MKI67: variants seen among roughly 807,000 people sequenced by gnomAD.
MKI67 encodes marker of proliferation Ki-67, also known as proliferation marker protein Ki-67.
In MKI67, 152 loss-of-function variants were observed where a neutral mutation model predicts 233.5. That is an observed-to-expected ratio of 0.65 (90% CI 0.57 to 0.74). The LOEUF (loss-of-function observed/expected upper bound fraction) is 0.74, where lower values mean the gene tolerates loss of function less well. Ranked by LOEUF, MKI67 falls within the 30% of genes least tolerant of loss-of-function variation. MKI67 has a pLI of 0.00. For synonymous variants in MKI67, 1,465 were observed against 1,418.5 expected (o/e 1.03, Z -0.74); for missense variants, 3,940 against 3,885.2 (o/e 1.01, Z -0.37).
intron 14 of MKI67, 92 bp downstream of exon 14, chr10:128,101,166 A>C (rs767850318): frequency 6.2e-5 from 75 of 1,204,086 alleles, no homozygotes; most frequent in Non-Finnish European, 8.7e-5. Context: ...GCTGTTGAAG[A>C]TAATGCTTTT....
In MKI67 at chr10:128,104,473, T is replaced by C. The variant is rs1340300398; in HGVS notation, c.7367A>G (p.Asp2456Gly). The C allele has an allele frequency of 6.2e-7, 1 of 1,613,306 alleles. No individual in the cohort carries two copies. Among genetic ancestry groups the C allele is most frequent in the Non-Finnish European group, 8.5e-7 (1 of 1,179,800 alleles). Residue 2456 changes from aspartate (D) to glycine (G), a missense_variant, in exon 13 of 15, where the codon GAT (aspartate) becomes GGT (glycine). Transcript: ENST00000368654. ...ACAGGATACTTCTGTGATTTTGTCA[T>C]CAGTCATTGATTCCTCAGTGTGACC... The part of the protein sequence containing the change: ...TPGHTEESMT[D>G]DKITEVSCKS...
rs776806043 is a variant in MKI67, at chr10:128,115,288, A to G, written c.1120T>C (p.Ser374Pro). 1.9e-6 allele frequency: 3 copies of G among 1,613,864 alleles called. No individual in the cohort carries two copies. Among genetic ancestry groups the G allele is most frequent in the Non-Finnish European group, 2.5e-6 (3 of 1,180,002 alleles). The stretch of plus-strand genomic sequence containing the variant: ...CCTTCACTTTTACCCAGATTCACAG[A>G]TTCTCTTCTACCAGTAGTATACAGG... ...KDLYTTGRRE[S>P]VNLGKSEGFK... The change falls in exon 7 of 15, where the codon TCT (serine) becomes CCT (proline). Residue 374 changes from serine (S) to proline (P), a missense_variant. Ser to Pro is a moderately conservative substitution (Grantham distance 74). Transcript: ENST00000368654.
At chr10:128,112,873 GC>G (rs1852712094) in intron 8 of MKI67, among the ~76,000 whole-genome samples, 1 of 152,118 alleles carries the variant, frequency 6.6e-6, no homozygotes, top group Admixed American at 6.5e-5. Flanking sequence ...GACCGCCCAG[GC>G]CCTATTACAA....
chr10:128,122,845 T>C lies in MKI67; in HGVS notation c.287+36A>G, dbSNP rs770266922. ...CACTAGTTTATGGTTAATCAGAAGA[T>C]GACATTTACTGTTAGACCAATCAGC... On this transcript the variant is annotated intron_variant, in intron 4 of 14. Coordinates refer to ENST00000368654, the MANE Select transcript of MKI67 (RefSeq NM_002417.5). 6 of 1,026,154 alleles carry C rather than the reference T, an allele frequency of 5.8e-6. No homozygotes were observed. The African/African-American group carries it at 6.5e-5, about 11-fold the overall frequency. 63.6% of individuals were successfully genotyped at this position (1,026,154 alleles called of 1,614,324 possible).
chr10:128,112,939 A>T (rs2136142983), intron 8 of MKI67, among the ~76,000 whole-genome samples: 1 of 152,380 alleles, frequency 6.6e-6, no homozygotes, highest in East Asian at 1.9e-4. Context: ...CAGGAAGGAC[A>T]ACACAGCAAA....
At chr10:128,099,344 C>T (rs1429467021) in intron 14 of MKI67, 89 bp from the exon 15 acceptor site, 3 of 969,224 alleles carry the variant, frequency 3.1e-6, no homozygotes, top group Non-Finnish European at 4.7e-6. Flanking sequence ...CAAAGGCTTA[C>T]TAGGTATTAT....
rs749787757 is a variant in MKI67, at chr10:128,111,721, A to G, written c.2184T>C (p.His728=). Residue 728 remains histidine, a synonymous_variant, in exon 11 of 15, where the codon CAT becomes CAC. Coordinates refer to ENST00000368654, the MANE Select transcript of MKI67 (RefSeq NM_002417.5). ...IIGKAHTEKV[H]VPARPYRVLN... Reference sequence around the variant, plus strand: ...GCACTCTGTAGGGTCGAGCAGGCACATGTACTTTTTCAGTATGAGCTTTCC... The same window carrying G: ...GCACTCTGTAGGGTCGAGCAGGCACGTGTACTTTTTCAGTATGAGCTTTCC... The G allele has an allele frequency of 1.6e-5, 26 of 1,614,092 alleles. No homozygotes were observed. The Admixed American group carries it at 2.7e-4, about 17-fold the overall frequency.
At position 128,107,311 on chromosome 10, in the gene MKI67, T is replaced by C. The variant is rs561196636; in HGVS notation, c.4529A>G (p.Gln1510Arg). The change falls in exon 13 of 15, where the codon CAG (glutamine) becomes CGG (arginine). Residue 1510 changes from glutamine to arginine, a missense_variant. Transcript: ENST00000368654. ...PVDTPTSSKP[Q>R]SKRSLRKVDV... The stretch of plus-strand genomic sequence containing the variant: ...CACTTTCCTGAGACTTCTCTTGGAC[T>C]GTGGCTTGGAGCTTGTTGGTGTGTC... The C allele has an allele frequency of 6.8e-6, 11 of 1,614,134 alleles. No homozygotes were observed. In the Admixed American group the frequency reaches 1.2e-4, roughly 17 times the overall value.
intron 12 of MKI67, 147 bp from the exon 13 acceptor site, chr10:128,109,570 G>T: frequency 6.9e-6 from 6 of 871,256 alleles, no homozygotes; most frequent in Non-Finnish European, 1.0e-5. Context: ...CTATAAATCT[G>T]TCTTATAAGA....
intron 8 of MKI67, among the ~76,000 whole-genome samples, chr10:128,112,914 C>T (rs1202847279): frequency 1.3e-5 from 2 of 152,140 alleles, no homozygotes; most frequent in Admixed American, 1.3e-4. Flanking sequence ...CATGACTTCC[C>T]AGAGGTGTGA....
intron 11 of MKI67, 102 bp downstream of exon 11, chr10:128,111,543 A>T: frequency 3.2e-6 from 3 of 934,654 alleles, no homozygotes; most frequent in Non-Finnish European, 4.7e-6. Flanking sequence ...TTTATTTTAT[A>T]ATCTCTTTCA....
chr10:128,103,189 G>T lies in MKI67; in HGVS notation c.8651C>A (p.Ala2884Glu). 1 of 1,613,048 alleles carries T rather than the reference G, an allele frequency of 6.2e-7. No individual in the cohort carries two copies. The highest frequency in any genetic ancestry group is 8.5e-7 in the Non-Finnish European group (1 of 1,179,846). ...CTTCCGCTTTGCAGGTTGCTTAAAT[G>T]CTTTCGTGCCTTTGCCCTCACCTAC... ...EPVGEGKGTK[A>E]FKQPAKRKLD... Residue 2884 changes from alanine (A) to glutamate (E), a missense_variant, in exon 13 of 15, where the codon GCA becomes GAA. By Grantham distance (107) the Ala-to-Glu change is moderately radical (BLOSUM62 -1). Coordinates refer to ENST00000368654, the MANE Select transcript of MKI67 (RefSeq NM_002417.5).
chr10:128,101,620 T>C lies in MKI67; in HGVS notation c.9343A>G (p.Ile3115Val), dbSNP rs1357041215. The change falls in exon 14 of 15, where the codon ATA becomes GTA. Residue 3115 changes from isoleucine (I) to valine (V), a missense_variant. Transcript: ENST00000368654. The part of the protein sequence containing the change: ...ITEVFVLAER[I>V]EINRNEKKPM... ...TTCTTTTCATTTCTGTTTATTTCTA[T>C]TCTTTCTGCTAATACAAAGACCTCA... is the stretch of plus-strand genomic sequence containing the variant. The C allele has an allele frequency of 6.2e-7, 1 of 1,613,964 alleles. No homozygotes were observed. The highest frequency in any genetic ancestry group is 1.7e-5 in the Admixed American group (1 of 59,964).
In MKI67 at chr10:128,123,524, G is replaced by A. The variant is rs148255792; in HGVS notation, c.93-355C>T. The stretch of plus-strand genomic sequence containing the variant: ...TAATACTCTGTGCTTTTTCAAAAAC[G>A]TTTGTTTGTAATGTTAAATATGTTT... On this transcript the variant is annotated intron_variant, in intron 2 of 14. Transcript: ENST00000368654. 6.9e-3 allele frequency among the ~76,000 whole-genome samples: 1,043 copies of A among 152,190 alleles called. 13 individuals are homozygous for A. The highest frequency in any genetic ancestry group is 0.024 in the South Asian group (116 of 4,830).
At chr10:128,119,968 T>C (rs1852896769) in intron 4 of MKI67, among the ~76,000 whole-genome samples, 2 of 152,280 alleles carry the variant, frequency 1.3e-5, no homozygotes, top group East Asian at 1.9e-4. Flanking sequence ...ATGAAAACTT[T>C]TGGCCTCAGT....
chr10:128,098,296 T>C lies in MKI67; in HGVS notation c.*894A>G, dbSNP rs1434179634. 1.3e-5 allele frequency: 2 copies of C among 152,226 alleles called. No homozygotes were observed. The highest frequency in any genetic ancestry group is 2.9e-5 in the Non-Finnish European group (2 of 68,046). 9.4% of individuals were successfully genotyped at this position (152,226 alleles called of 1,614,324 possible). A position where few individuals can be genotyped will look rare whatever the true frequency, so the allele number is the denominator to read the frequency against. ...TGCTCAGTCTCTCCAAGGATGATGA[T>C]GCTTTACAGAGTACTGGTGTCACTT... On this transcript the variant is annotated 3_prime_UTR_variant, in exon 15 of 15. Transcript: ENST00000368654.
At chr10:128,121,658 A>C (rs1852951502) in intron 4 of MKI67, among the ~76,000 whole-genome samples, 1 of 148,788 alleles carries the variant, frequency 6.7e-6, no homozygotes, top group Non-Finnish European at 1.5e-5. Context: ...CAATTACACA[A>C]GGCAGATTAG....
intron 11 of MKI67, among the ~76,000 whole-genome samples, chr10:128,111,136 C>G (rs74159189): frequency 0.021 from 3,198 of 152,300 alleles, 121 homozygotes; most frequent in African/African-American, 0.073. Flanking sequence ...TTAAATTACA[C>G]AAGTCAGGCC....
Position 128,103,219 on chromosome 10 carries a change from T to G in MKI67, c.8621A>C (p.Glu2874Ala), listed in dbSNP as rs762825413. ...CGTGCCTTTGCCCTCACCTACCGGCTCTTTGTCGGTGTGCGTGGTCTCCCC... is the reference window on the plus strand; with the variant it reads ...CGTGCCTTTGCCCTCACCTACCGGCGCTTTGTCGGTGTGCGTGGTCTCCCC... ...TSGETTHTDK[E>A]PVGEGKGTKA... Residue 2874 changes from glutamate (E) to alanine (A), a missense_variant, in exon 13 of 15, where the codon GAG becomes GCG. Transcript: ENST00000368654. The G allele has an allele frequency of 1.2e-6, 2 of 1,613,856 alleles. No individual in the cohort carries two copies. Among genetic ancestry groups the G allele is most frequent in the African/African-American group, 2.7e-5 (2 of 74,846 alleles).
Sources: gnomAD v4.1 joint callset for allele counts (sites outside exome capture counted in the v4.1 genomes callset) on GRCh38, gnomAD v4.1.1 for gene constraint, MANE v1.5 for transcripts, NCBI Gene and HGNC (gene_info 2026-07-23, HGNC 2026-07-21) for gene names.